The following ZFX variants were observed in gnomAD, a reference collection of about 807,000 sequenced individuals.
The protein encoded by ZFX is zinc finger X-chromosomal protein.
For synonymous variants in ZFX, 196 were observed against 226.8 expected (o/e 0.86, Z 1.22); for missense variants, 362 against 628.3 (o/e 0.58, Z 4.53).
intron 3 of ZFX, chrX:24,161,892 G>T (rs1188772588): frequency 9.4e-6 from 1 of 106,475 alleles, no homozygotes; most frequent in Non-Finnish European, 1.9e-5. Flanking sequence ...TAGAGACGGG[G>T]TTTCACCATG....
intron 3 of ZFX, among the ~76,000 whole-genome samples, chrX:24,161,308 C>G (rs973390352): frequency 3.6e-5 from 4 of 112,106 alleles, no homozygotes; most frequent in African/African-American, 6.5e-5. Context: ...TAAATTGATA[C>G]ATACAGAAAT....
At chrX:24,157,474 T>C (rs190562814) in intron 3 of ZFX, among the ~76,000 whole-genome samples, 220 of 112,447 alleles carry the variant, frequency 2.0e-3, no homozygotes, top group African/African-American at 6.7e-3. Context: ...TATCATTGCT[T>C]GCACATGCAC....
chrX:24,209,060 A>G lies in ZFX; in HGVS notation c.1234+20A>G. 1 of 1,211,896 alleles carries G rather than the reference A, an allele frequency of 8.3e-7. No individual in the cohort carries two copies. The highest frequency in any genetic ancestry group is 1.7e-5 in the African/African-American group (1 of 57,852). On this transcript the variant is annotated intron_variant, in intron 9 of 9. Transcript: ENST00000304543. Reference sequence around the variant, plus strand: ...AAACAGGTGAGGGCGCACGAGTTCCATGGCGCAGCGTGCTCTGCGAGCTCT... The same window carrying G: ...AAACAGGTGAGGGCGCACGAGTTCCGTGGCGCAGCGTGCTCTGCGAGCTCT...
At chrX:24,168,441 C>T (rs1934212770) in intron 3 of ZFX, among the ~76,000 whole-genome samples, 2 of 111,635 alleles carry the variant, frequency 1.8e-5, no homozygotes, top group Non-Finnish European at 3.8e-5. Context: ...AGTATCTAAG[C>T]ATCAAAATAT....
chrX:24,168,620 C>T (rs1264912441), intron 3 of ZFX, among the ~76,000 whole-genome samples: 1 of 106,260 alleles, frequency 9.4e-6, no homozygotes, highest in African/African-American at 3.4e-5. Flanking sequence ...TTCCTGGGTT[C>T]TCCTAGCCCA....
At position 24,211,424 on chromosome X, in the gene ZFX, A is replaced by G; in HGVS notation, c.*48A>G. On this transcript the variant is annotated 3_prime_UTR_variant, in exon 10 of 10. Coordinates refer to ENST00000304543, the MANE Select transcript of ZFX (RefSeq NM_003410.4). ...TAGAGATATTGGCCTTGAAGCAGAA[A>G]ATTCATTTTAAAGCCAATCAGTCTC... 1 of 1,169,369 alleles carries G rather than the reference A, an allele frequency of 8.6e-7. No individual in the cohort carries two copies. The highest frequency in any genetic ancestry group is 1.2e-6 in the Non-Finnish European group (1 of 862,786).
intron 3 of ZFX, among the ~76,000 whole-genome samples, chrX:24,157,819 C>T (rs774115804): frequency 2.7e-5 from 3 of 111,505 alleles, no homozygotes; most frequent in South Asian, 3.8e-4. Flanking sequence ...AGTGCAGTGG[C>T]ACGATCTCAG....
rs773308196 is a variant in ZFX, at chrX:24,179,579, A to G, written c.455A>G (p.His152Arg). ...GTTGGACATGTTGGACATGTTGGACATGTTGAACATGTGGTTCATGATAGT... is the reference window on the plus strand; with the variant it reads ...GTTGGACATGTTGGACATGTTGGACGTGTTGAACATGTGGTTCATGATAGT... Reference protein sequence around the residue: ...SDVGHVGHVGHVEHVVHDSVV... With the variant: ...SDVGHVGHVGRVEHVVHDSVV... The change falls in exon 5 of 10, where the codon CAT (histidine) becomes CGT (arginine). Residue 152 changes from histidine to arginine, a missense_variant. Coordinates refer to ENST00000304543, the MANE Select transcript of ZFX (RefSeq NM_003410.4). The G allele has an allele frequency of 5.0e-6, 6 of 1,210,699 alleles. No homozygotes were observed. In the Admixed American group the frequency reaches 8.7e-5, roughly 18 times the overall value.
intron 4 of ZFX, among the ~76,000 whole-genome samples, chrX:24,176,891 T>G (rs1029868070): frequency 8.9e-6 from 1 of 112,009 alleles, no homozygotes; most frequent in South Asian, 3.7e-4. Context: ...TTATAAAACT[T>G]TCTTTGCTTT....
At chrX:24,166,954 G>A (rs1029219911) in intron 3 of ZFX, among the ~76,000 whole-genome samples, 2 of 112,023 alleles carry the variant, frequency 1.8e-5, no homozygotes, top group African/African-American at 6.5e-5. Context: ...AACATCAAAA[G>A]CAGGGAGGCA....
chrX:24,194,917 T>G (rs1936801147), intron 5 of ZFX, among the ~76,000 whole-genome samples: 1 of 109,682 alleles, frequency 9.1e-6, no homozygotes, highest in South Asian at 3.9e-4. Context: ...CGGCTAATTT[T>G]TGTATTTTTA....
chrX:24,160,602 ATACACG>A (rs1309837031), intron 3 of ZFX, among the ~76,000 whole-genome samples: 1 of 111,564 alleles, frequency 9.0e-6, no homozygotes, highest in African/African-American at 3.3e-5. Context: ...CCCAGCCGAA[ATACACG>A]TATTTATGGG....
At chrX:24,157,729 A>G (rs1374295628) in intron 3 of ZFX, among the ~76,000 whole-genome samples, 2 of 111,978 alleles carry the variant, frequency 1.8e-5, no homozygotes, top group Non-Finnish European at 3.8e-5. Flanking sequence ...AGAGCAATCC[A>G]TAGTAGGACC....
intron 3 of ZFX, among the ~76,000 whole-genome samples, chrX:24,153,153 ATTTG>A (rs1252042753): frequency 8.9e-6 from 1 of 111,822 alleles, no homozygotes; most frequent in Non-Finnish European, 1.9e-5. Flanking sequence ...TCTTTGTATT[ATTTG>A]TTCTTGTGTA....
rs1426972762 is a variant in ZFX, at chrX:24,179,576, GACATGTTGA to G, written c.459_467del (p.Glu154_Val156del). 1.7e-6 allele frequency: 2 copies of G among 1,211,863 alleles called. No homozygotes were observed. The highest frequency in any genetic ancestry group is 2.2e-6 in the Non-Finnish European group (2 of 895,491). ...GACGTTGGACATGTTGGACATGTTG[GACATGTTGA>G]ACATGTGGTTCATGATAGTGTAGTG... is the stretch of plus-strand genomic sequence containing the variant. On this transcript the variant is annotated inframe_deletion, in exon 5 of 10. Transcript: ENST00000304543.
At chrX:24,189,408 GCCATCT>G (rs1171502438) in intron 5 of ZFX, among the ~76,000 whole-genome samples, 3 of 111,875 alleles carry the variant, frequency 2.7e-5, no homozygotes, top group Non-Finnish European at 5.6e-5. Context: ...GTTTGCCCTG[GCCATCT>G]AGTTTAGGTA....
Position 24,212,420 on chromosome X carries a change from G to A in ZFX, c.*1044G>A, listed in dbSNP as rs1347288693. ...CATGCTCTTCAGAGAGACTACTCAG[G>A]TGAAGAATTAGAAGGAAAATAAGGA... On this transcript the variant is annotated 3_prime_UTR_variant, in exon 10 of 10. Coordinates refer to ENST00000304543, the MANE Select transcript of ZFX (RefSeq NM_003410.4). The A allele has an allele frequency of 8.9e-6, 1 of 112,327 alleles. No homozygotes were observed. Among genetic ancestry groups the A allele is most frequent in the Non-Finnish European group, 1.9e-5 (1 of 53,216 alleles). 9.3% of individuals were successfully genotyped at this position (112,327 alleles called of 1,213,427 possible). A position where few individuals can be genotyped will look rare whatever the true frequency, so the allele number is the denominator to read the frequency against.
chrX:24,162,626 C>T (rs1336353852), intron 3 of ZFX, among the ~76,000 whole-genome samples: 1 of 111,835 alleles, frequency 8.9e-6, no homozygotes, highest in Non-Finnish European at 1.9e-5. Context: ...ACATCATTCT[C>T]ATATCCCAAA....
intron 5 of ZFX, among the ~76,000 whole-genome samples, chrX:24,192,266 G>A (rs1257111768): frequency 8.9e-6 from 1 of 111,800 alleles, no homozygotes; most frequent in Non-Finnish European, 1.9e-5. Context: ...CAAGATCACA[G>A]GTGTGAATCT....
Sources: gnomAD v4.1 joint callset for allele counts (sites outside exome capture counted in the v4.1 genomes callset) on GRCh38, gnomAD v4.1.1 for gene constraint, MANE v1.5 for transcripts, NCBI Gene and HGNC (gene_info 2026-07-23, HGNC 2026-07-21) for gene names.